The following SNTG1 variants were observed in gnomAD, a reference collection of about 807,000 sequenced individuals.
SNTG1 encodes the protein gamma-1-syntrophin.
SNTG1 carries 39 observed loss-of-function variants against 74.7 expected under a neutral mutation model. The ratio of observed to expected loss-of-function variants is 0.52; its 90% confidence interval spans 0.40 to 0.68. SNTG1 has a LOEUF of 0.68. Among genes scored for constraint, SNTG1 ranks in the 30% least tolerant of loss-of-function variants. The pLI, the probability that SNTG1 is intolerant of heterozygous loss-of-function variation, is 0.00. For synonymous variants in SNTG1, 254 were observed against 217.1 expected, an observed-to-expected ratio of 1.17 and a Z score of -1.49; for missense variants, 685 against 609.5, an observed-to-expected ratio of 1.12 and a Z score of -1.30.
chr8:49,970,532 C>A (rs180961900), intron 1 of SNTG1, among the ~76,000 whole-genome samples: 14 of 152,254 alleles, frequency 9.2e-5, no homozygotes, highest in African/African-American at 2.6e-4. Flanking sequence ...TAATTAATAG[C>A]AAATCACTCA....
At chr8:50,309,378 T>C (rs1462952791) in intron 2 of SNTG1, among the ~76,000 whole-genome samples, 1 of 151,874 alleles carries the variant, frequency 6.6e-6, no homozygotes. Context: ...AAAAAATCAC[T>C]GTTCTGTAAA....
At chr8:50,358,690 T>C (rs1012968170) in intron 2 of SNTG1, among the ~76,000 whole-genome samples, 2 of 152,186 alleles carry the variant, frequency 1.3e-5, no homozygotes, top group African/African-American at 4.8e-5. Context: ...ATTAAAAAAA[T>C]TTACTTTTAA....
At chr8:50,591,081 A>G (rs1375775813) in intron 13 of SNTG1, among the ~76,000 whole-genome samples, 164 bp downstream of exon 13, 1 of 152,120 alleles carries the variant, frequency 6.6e-6, no homozygotes, top group East Asian at 1.9e-4. Context: ...ATTATGTAAT[A>G]TATTGGTTCC....
intron 1 of SNTG1, among the ~76,000 whole-genome samples, chr8:49,913,267 C>T (rs1276247646): frequency 1.3e-5 from 2 of 152,212 alleles, no homozygotes; most frequent in Non-Finnish European, 2.9e-5. Flanking sequence ...TATTCATAAT[C>T]AACTCTGTGA....
chr8:50,656,696 G>A, intron 13 of SNTG1, among the ~76,000 whole-genome samples: 1 of 152,130 alleles, frequency 6.6e-6, no homozygotes, highest in East Asian at 1.9e-4. Context: ...AAACGTATAA[G>A]AAATTCTTAT....
intron 11 of SNTG1, among the ~76,000 whole-genome samples, chr8:50,548,236 A>C (rs78631449): frequency 0.078 from 11,935 of 152,236 alleles, 1,017 homozygotes; most frequent in African/African-American, 0.22. Context: ...AGTGACAGGA[A>C]ATTCTAAAAT....
chr8:50,234,105 A>G (rs974524189), intron 2 of SNTG1, among the ~76,000 whole-genome samples: 15 of 151,982 alleles, frequency 9.9e-5, no homozygotes, highest in African/African-American at 3.6e-4. Flanking sequence ...ATACACAATT[A>G]TTCATACCAA....
At chr8:50,254,864 A>AAAAAG (rs1189243675) in intron 2 of SNTG1, among the ~76,000 whole-genome samples, 1 of 147,344 alleles carries the variant, frequency 6.8e-6, no homozygotes, top group Non-Finnish European at 1.5e-5. Context: ...AAAAAAAAAA[A>AAAAAG]AAAGAAAGAA....
At chr8:50,595,801 T>A (rs1484082847) in intron 13 of SNTG1, among the ~76,000 whole-genome samples, 1 of 152,042 alleles carries the variant, frequency 6.6e-6, no homozygotes, top group African/African-American at 2.4e-5. Context: ...CGTGCATCAA[T>A]CCATCATTCT....
At chr8:50,103,950 G>C (rs1024731792) in intron 1 of SNTG1, among the ~76,000 whole-genome samples, 7 of 152,124 alleles carry the variant, frequency 4.6e-5, no homozygotes, top group African/African-American at 1.4e-4. Flanking sequence ...ATGTGCTGCT[G>C]GATTTGGTTT....
intron 4 of SNTG1, among the ~76,000 whole-genome samples, chr8:50,409,122 T>C (rs1319243242): frequency 6.6e-6 from 1 of 152,168 alleles, no homozygotes. Flanking sequence ...AGAAGTCAAG[T>C]AGCTCCTCAG....
chr8:50,223,603 A>G (rs1047016655), intron 2 of SNTG1, among the ~76,000 whole-genome samples: 1 of 152,134 alleles, frequency 6.6e-6, no homozygotes, highest in Non-Finnish European at 1.5e-5. Flanking sequence ...ATTAAATGCA[A>G]AAGATAATAA....
chr8:50,656,594 T>A (rs1366142219), intron 13 of SNTG1, among the ~76,000 whole-genome samples: 1 of 152,176 alleles, frequency 6.6e-6, no homozygotes, highest in Non-Finnish European at 1.5e-5. Context: ...AATTCTATTA[T>A]AAATAAGTAT....
At chr8:50,737,004 T>C (rs1339483085) in intron 17 of SNTG1, among the ~76,000 whole-genome samples, 4 of 151,532 alleles carry the variant, frequency 2.6e-5, no homozygotes, top group Non-Finnish European at 5.9e-5. Flanking sequence ...TTAAAAGAAC[T>C]AGAGAAGTAA....
intron 1 of SNTG1, among the ~76,000 whole-genome samples, chr8:50,105,020 T>C (rs1220304032): frequency 6.6e-6 from 1 of 152,146 alleles, no homozygotes; most frequent in African/African-American, 2.4e-5. Flanking sequence ...TTTCTTTTGC[T>C]CTGCAGAAGC....
intron 2 of SNTG1, among the ~76,000 whole-genome samples, chr8:50,346,472 C>T (rs2091480649): frequency 6.6e-6 from 1 of 152,090 alleles, no homozygotes; most frequent in African/African-American, 2.4e-5. Flanking sequence ...TCCCTGAGAC[C>T]CAACAATATT....
intron 2 of SNTG1, among the ~76,000 whole-genome samples, chr8:50,377,007 C>T (rs902113625): frequency 6.6e-6 from 1 of 152,076 alleles, no homozygotes. Context: ...CAGACTCCGG[C>T]TCCTGCCTGG....
intron 1 of SNTG1, among the ~76,000 whole-genome samples, chr8:49,980,846 C>A (rs1165553562): frequency 6.6e-6 from 1 of 152,114 alleles, no homozygotes; most frequent in Non-Finnish European, 1.5e-5. Context: ...ATTAGGGGTT[C>A]ATTCACAGAC....
At chr8:50,789,474 T>G (rs2131863587) in intron 18 of SNTG1, among the ~76,000 whole-genome samples, 1 of 152,090 alleles carries the variant, frequency 6.6e-6, no homozygotes, top group Admixed American at 6.6e-5. Context: ...GAAGCTGAAC[T>G]TCTATTCTGA....
Sources: allele counts gnomAD v4.1 joint callset (sites outside exome capture counted in the v4.1 genomes callset), GRCh38; gene constraint gnomAD v4.1.1; transcripts MANE v1.5; gene names NCBI Gene and HGNC (gene_info 2026-07-23, HGNC 2026-07-21).